DAB1: variants seen among roughly 807,000 people sequenced by gnomAD.
DAB1 encodes disabled homolog 1.
DAB1 carries 15 observed loss-of-function variants against 64.6 expected under a neutral mutation model. The observed-to-expected ratio is 0.23, with a 90% CI of 0.16 to 0.36. The LOEUF is 0.36. Among genes scored for constraint, DAB1 ranks in the 10% least tolerant of loss-of-function variants. DAB1 has a pLI of 1.00. For missense variants in DAB1, 596 were observed against 706.7 expected, an observed-to-expected ratio of 0.84 and a Z score of 1.78; for synonymous variants, 235 against 251.9, an observed-to-expected ratio of 0.93 and a Z score of 0.64.
At chr1:57,084,635 C>T (rs1228226216) in intron 4 of DAB1, among the ~76,000 whole-genome samples, 3 of 152,204 alleles carry the variant, frequency 2.0e-5, no homozygotes, top group Non-Finnish European at 4.4e-5. Context: ...TCTGCTCTCT[C>T]AGTGAGCCTT....
chr1:57,616,036 G>A (rs967632012), intron 7 of DAB1, among the ~76,000 whole-genome samples: 1 of 152,192 alleles, frequency 6.6e-6, no homozygotes, highest in Non-Finnish European at 1.5e-5. Flanking sequence ...AATGGAGTGT[G>A]TCTGAGGGAA....
intron 6 of DAB1, among the ~76,000 whole-genome samples, chr1:57,793,065 A>T (rs1181474615): frequency 6.6e-6 from 1 of 152,250 alleles, no homozygotes; most frequent in Non-Finnish European, 1.5e-5. Flanking sequence ...TTTTAGGCCC[A>T]TAATCTGAGC....
intron 7 of DAB1, among the ~76,000 whole-genome samples, chr1:57,471,366 G>T (rs150168046): frequency 1.2e-4 from 19 of 152,096 alleles, no homozygotes; most frequent in South Asian, 8.3e-4. Flanking sequence ...GTGAAGAAAA[G>T]AATTTCCTTA....
At chr1:57,321,310 G>T (rs1379491729) in intron 1 of DAB1, among the ~76,000 whole-genome samples, 2 of 152,112 alleles carry the variant, frequency 1.3e-5, no homozygotes, top group Non-Finnish European at 2.9e-5. Flanking sequence ...CAGAAAGCAG[G>T]ACTCACATCT....
At chr1:57,377,939 C>A (rs781583738) in intron 1 of DAB1, among the ~76,000 whole-genome samples, 1 of 152,122 alleles carries the variant, frequency 6.6e-6, no homozygotes, top group Non-Finnish European at 1.5e-5. Flanking sequence ...AGGACTGTGA[C>A]GTCTGGTGGA....
At chr1:57,809,097 C>T (rs1227016879) in intron 6 of DAB1, among the ~76,000 whole-genome samples, 1 of 152,126 alleles carries the variant, frequency 6.6e-6, no homozygotes, top group Non-Finnish European at 1.5e-5. Context: ...CCTCATATTT[C>T]ATAACTGTGA....
At chr1:57,635,545 T>C (rs913680165) in intron 7 of DAB1, among the ~76,000 whole-genome samples, 3 of 152,148 alleles carry the variant, frequency 2.0e-5, no homozygotes, top group African/African-American at 7.2e-5. Context: ...TAATGATCTG[T>C]CACTGTCTCC....
At chr1:57,155,487 G>GT (rs548763143) in intron 2 of DAB1, among the ~76,000 whole-genome samples, 163 of 147,816 alleles carry the variant, frequency 1.1e-3, no homozygotes, top group African/African-American at 3.6e-3. Flanking sequence ...TTTTGTTTTT[G>GT]TTTTTTTTTC....
At chr1:58,142,564 A>C (rs1372405277) in intron 5 of DAB1, among the ~76,000 whole-genome samples, 1 of 152,220 alleles carries the variant, frequency 6.6e-6, no homozygotes, top group Non-Finnish European at 1.5e-5. Flanking sequence ...TTAAATACAA[A>C]GTGAAAGGAG....
At chr1:57,211,176 C>T (rs905084580) in intron 2 of DAB1, among the ~76,000 whole-genome samples, 9 of 152,140 alleles carry the variant, frequency 5.9e-5, no homozygotes, top group African/African-American at 1.7e-4. Context: ...ATGCTTTTAA[C>T]TTGAGTTGGA....
intron 2 of DAB1, among the ~76,000 whole-genome samples, chr1:57,279,253 T>C (rs556780333): frequency 4.6e-5 from 7 of 152,338 alleles, no homozygotes; most frequent in Middle Eastern, 3.4e-3. Flanking sequence ...TAAAATGGCA[T>C]AGTATTTGCA....
At chr1:57,463,760 C>CTCAT (rs145640736) in intron 7 of DAB1, among the ~76,000 whole-genome samples, 3,582 of 152,234 alleles carry the variant, frequency 0.024, 61 homozygotes, top group South Asian at 0.038. Flanking sequence ...TGCTCTTCTG[C>CTCAT]TCATTCATTC....
At position 58,146,820 on chromosome 1, in the gene DAB1, T is replaced by G. The variant is rs1654621319; in HGVS notation, n.387+3691A>C. Among the ~76,000 whole-genome samples, 3 of 152,294 alleles carry G rather than the reference T, an allele frequency of 2.0e-5. No individual in the cohort carries two copies. In the South Asian group the frequency reaches 6.2e-4, roughly 32 times the overall value. On this transcript the variant is annotated intron_variant and non_coding_transcript_variant, in intron 5 of 20. Coordinates refer to the DAB1 transcript ENST00000485760. Reference sequence around the variant, plus strand: ...AATATATAACATATACCATAATTCCTTTATCCATCCATCCATCCATCAATG... The same window carrying G: ...AATATATAACATATACCATAATTCCGTTATCCATCCATCCATCCATCAATG...
chr1:58,296,247 AAGAAAGAAAGAAAG>A (rs1661988836), intron 4 of DAB1, among the ~76,000 whole-genome samples: 1 of 150,412 alleles, frequency 6.6e-6, no homozygotes, highest in Non-Finnish European at 1.5e-5. Flanking sequence ...GAAAGAAAGA[AAGAAAGAAAGAAAG>A]AAAAGTGAGG....
rs190772326 is a variant in DAB1 at position 57,591,787 on chromosome 1, G to A, written n.625+57805C>T. On this transcript the variant is annotated intron_variant and non_coding_transcript_variant, in intron 7 of 20. Transcript: ENST00000485760. The stretch of plus-strand genomic sequence containing the variant: ...CCACTACCAGTGCACATCTGCCTCA[G>A]ACAGGTGTGCAAATGTCTGCAGTGT... Among the ~76,000 whole-genome samples the A allele has an allele frequency of 1.9e-3, 292 of 152,328 alleles. 1 individual carries two copies. Among genetic ancestry groups the A allele is most frequent in the Middle Eastern group, 0.014 (4 of 294 alleles).
chr1:57,233,570 C>T (rs1667864596), intron 2 of DAB1, among the ~76,000 whole-genome samples: 1 of 151,888 alleles, frequency 6.6e-6, no homozygotes, highest in Admixed American at 6.6e-5. Flanking sequence ...ACCGGCCTGA[C>T]CAACATGGTG....
intron 7 of DAB1, among the ~76,000 whole-genome samples, chr1:57,497,696 C>T (rs1342843784): frequency 6.6e-6 from 1 of 152,124 alleles, no homozygotes; most frequent in Non-Finnish European, 1.5e-5. Context: ...GAGGAAATAC[C>T]AGGATACATT....
At chr1:58,040,772 T>A (rs570136656) in intron 5 of DAB1, among the ~76,000 whole-genome samples, 2 of 152,350 alleles carry the variant, frequency 1.3e-5, no homozygotes, top group Admixed American at 6.5e-5. Flanking sequence ...TCTGATGTAT[T>A]CATATTTTTT....
chr1:57,992,679 A>G (rs1412452163), intron 5 of DAB1, among the ~76,000 whole-genome samples: 1 of 152,106 alleles, frequency 6.6e-6, no homozygotes, highest in Non-Finnish European at 1.5e-5. Context: ...TGATCATTGT[A>G]TTAACCTTAT....
Sources: gnomAD v4.1 joint callset for allele counts (sites outside exome capture counted in the v4.1 genomes callset) on GRCh38, gnomAD v4.1.1 for gene constraint, MANE v1.5 for transcripts, NCBI Gene and HGNC (gene_info 2026-07-23, HGNC 2026-07-21) for gene names.